The following SNTG2 variants were observed in gnomAD, a reference collection of about 807,000 sequenced individuals.
SNTG2 encodes the protein syntrophin gamma 2.
In SNTG2, 74 loss-of-function variants were observed where a neutral mutation model predicts 70.9. That is an observed-to-expected ratio of 1.04 (90% CI 0.86 to 1.27). The LOEUF (loss-of-function observed/expected upper bound fraction) is 1.27, where lower values mean the gene tolerates loss of function less well. SNTG2 is among the 50% of genes most tolerant of loss of function. The pLI is 0.00. For synonymous variants in SNTG2, 278 were observed against 273.8 expected (o/e 1.02, Z -0.15); for missense variants, 717 against 690.7 (o/e 1.04, Z -0.43).
intron 9 of SNTG2, among the ~76,000 whole-genome samples, chr2:1,229,883 C>T (rs1221756738): frequency 1.3e-5 from 2 of 152,234 alleles, no homozygotes; most frequent in African/African-American, 2.4e-5. Flanking sequence ...GGGCCGGCTG[C>T]TCCGAGTGCG....
chr2:1,164,653 A>T (rs1465355567), intron 6 of SNTG2, among the ~76,000 whole-genome samples: 1 of 151,018 alleles, frequency 6.6e-6, no homozygotes, highest in Non-Finnish European at 1.5e-5. Context: ...GCGAGGTGGG[A>T]TACACCTGCC....
Position 1,156,857 on chromosome 2 carries a change from G to T in SNTG2, c.412-8691G>T, listed in dbSNP as rs549913970. Among the ~76,000 whole-genome samples the T allele has an allele frequency of 4.6e-5, 7 of 152,226 alleles. No individual in the cohort carries two copies. In the South Asian group the frequency reaches 6.2e-4, roughly 14 times the overall value. ...AGATGCTCAGAATAAAGATTCCAGC[G>T]CAGGGCGGCAACTCTTGGTGAAACA... On this transcript the variant is annotated intron_variant, in intron 6 of 16. Coordinates refer to ENST00000308624, the MANE Select transcript of SNTG2 (RefSeq NM_018968.4).
chr2:995,825 C>T (rs1418847924), intron 1 of SNTG2, among the ~76,000 whole-genome samples: 3 of 152,098 alleles, frequency 2.0e-5, no homozygotes, highest in South Asian at 2.1e-4. Context: ...TTACTTCCTT[C>T]CTCTCTACAA....
At chr2:1,160,935 C>G (rs912147253) in intron 6 of SNTG2, 2 of 152,216 alleles carry the variant, frequency 1.3e-5, no homozygotes, top group Non-Finnish European at 2.9e-5. Flanking sequence ...CGCAGTGAAT[C>G]CAATGGCTTC....
intron 4 of SNTG2, among the ~76,000 whole-genome samples, chr2:1,114,055 C>T (rs1160487545): frequency 1.3e-5 from 2 of 150,442 alleles, no homozygotes; most frequent in South Asian, 2.1e-4. Flanking sequence ...GAGGTTTAAC[C>T]CTTACAGTCC....
At chr2:1,202,943 C>T (rs772332002) in intron 8 of SNTG2, among the ~76,000 whole-genome samples, 9 of 145,464 alleles carry the variant, frequency 6.2e-5, no homozygotes, top group Non-Finnish European at 1.3e-4. Context: ...ATGGGAAAAA[C>T]ACAGAGAAAT....
At chr2:1,103,387 TTTTA>T in intron 4 of SNTG2, 1 of 294,540 alleles carries the variant, frequency 3.4e-6, no homozygotes, top group Middle Eastern at 1.4e-3. Flanking sequence ...TTCTTTTTTT[TTTTA>T]TTTTTTTTTT....
At chr2:1,322,587 G>A (rs958483004) in intron 16 of SNTG2, among the ~76,000 whole-genome samples, 9 of 152,162 alleles carry the variant, frequency 5.9e-5, no homozygotes, top group Middle Eastern at 3.4e-3. Context: ...TCAACTCCCT[G>A]AGTCTCTGAC....
chr2:1,028,112 T>C (rs935502088), intron 1 of SNTG2, among the ~76,000 whole-genome samples: 24 of 150,532 alleles, frequency 1.6e-4, no homozygotes, highest in African/African-American at 4.4e-4. Flanking sequence ...AAGTAACTCA[T>C]GCATCTCTGT....
chr2:1,247,525 T>C, intron 12 of SNTG2, 82 bp downstream of exon 12: 1 of 964,772 alleles, frequency 1.0e-6, no homozygotes, highest in South Asian at 1.4e-5. Context: ...CATCTGGTGT[T>C]TGGAGGAGGA....
chr2:1,006,411 A>AAG (rs58278470), intron 1 of SNTG2, among the ~76,000 whole-genome samples: 118,642 of 151,362 alleles, frequency 0.78, 47,204 homozygotes, highest in African/African-American at 0.86. Flanking sequence ...TCAAAAAAAA[A>AAG]AGAAAATTCT....
chr2:1,324,182 C>T (rs972355457), intron 16 of SNTG2, among the ~76,000 whole-genome samples: 4 of 152,164 alleles, frequency 2.6e-5, no homozygotes, highest in African/African-American at 4.8e-5. Context: ...AGTCACATGG[C>T]GGAGACTCCC....
At chr2:961,866 T>C (rs759049060) in intron 1 of SNTG2, among the ~76,000 whole-genome samples, 1 of 152,212 alleles carries the variant, frequency 6.6e-6, no homozygotes, top group Non-Finnish European at 1.5e-5. Context: ...CTGAGGCTTT[T>C]AGCCAGGCTG....
At chr2:1,311,534 T>C (rs1680989984) in intron 15 of SNTG2, among the ~76,000 whole-genome samples, 2 of 152,230 alleles carry the variant, frequency 1.3e-5, no homozygotes, top group Admixed American at 6.5e-5. Flanking sequence ...TTATTTGGCA[T>C]CTTGTCACTC....
chr2:1,184,051 G>A (rs975146605), intron 8 of SNTG2, among the ~76,000 whole-genome samples: 3 of 152,182 alleles, frequency 2.0e-5, no homozygotes, highest in Non-Finnish European at 4.4e-5. Context: ...GTGGAGTGTT[G>A]AGTTACAAGC....
At chr2:1,362,312 G>C (rs35237988) in intron 16 of SNTG2, among the ~76,000 whole-genome samples, 3,511 of 151,212 alleles carry the variant, frequency 0.023, no homozygotes, top group South Asian at 0.043. Flanking sequence ...CACCGACACT[G>C]AGCATTTCAG....
chr2:1,242,764 A>G (rs1173263580), intron 11 of SNTG2: 2 of 152,348 alleles, frequency 1.3e-5, no homozygotes, highest in Admixed American at 6.5e-5. Flanking sequence ...GCTGCATGTT[A>G]TCATCTGGTG....
intron 14 of SNTG2, among the ~76,000 whole-genome samples, chr2:1,297,744 G>T (rs185564285): frequency 1.3e-5 from 2 of 152,340 alleles, no homozygotes; most frequent in Admixed American, 1.3e-4. Flanking sequence ...AGCAGAGAAG[G>T]AAAGAATGGA....
At chr2:1,230,088 G>T (rs1487817210) in intron 9 of SNTG2, among the ~76,000 whole-genome samples, 1 of 152,274 alleles carries the variant, frequency 6.6e-6, no homozygotes, top group Non-Finnish European at 1.5e-5. Context: ...CTGCCAAGGT[G>T]GGAGCCCAGG....
Sources: allele counts gnomAD v4.1 joint callset (sites outside exome capture counted in the v4.1 genomes callset), GRCh38; gene constraint gnomAD v4.1.1; transcripts MANE v1.5; gene names NCBI Gene and HGNC (gene_info 2026-07-23, HGNC 2026-07-21).